The following EDIL3 variants were observed in gnomAD, a reference collection of about 807,000 sequenced individuals.
EDIL3 encodes EGF like and discoidin domains 3.
Under a neutral mutation model 67.4 loss-of-function variants are expected in EDIL3, and 37 were observed. The observed-to-expected ratio is 0.55, with a 90% CI of 0.42 to 0.72. EDIL3 has a LOEUF of 0.72. EDIL3 is among the 30% of genes least tolerant of loss of function. EDIL3 has a pLI of 0.00. For synonymous variants in EDIL3, 195 were observed against 196.3 expected, an observed-to-expected ratio of 0.99 and a Z score of 0.05; for missense variants, 527 against 586.3, an observed-to-expected ratio of 0.90 and a Z score of 1.04.
At chr5:84,291,696 A>C (rs1041607327) in intron 1 of EDIL3, among the ~76,000 whole-genome samples, 28 of 141,902 alleles carry the variant, frequency 2.0e-4, no homozygotes, top group African/African-American at 7.1e-4. Flanking sequence ...ATATCTATAT[A>C]TCTATCTATG....
At chr5:84,370,296 T>C (rs1747817677) in intron 1 of EDIL3, among the ~76,000 whole-genome samples, 1 of 152,192 alleles carries the variant, frequency 6.6e-6, no homozygotes, top group Non-Finnish European at 1.5e-5. Flanking sequence ...TAAACAGAGC[T>C]GTTTAGAAGG....
intron 9 of EDIL3, among the ~76,000 whole-genome samples, chr5:84,058,730 A>G (rs2112233548): frequency 6.6e-6 from 1 of 152,300 alleles, no homozygotes. Flanking sequence ...TAACAGGAAT[A>G]TTTTAAGCAA....
At chr5:84,311,598 T>C (rs1466002336) in intron 1 of EDIL3, among the ~76,000 whole-genome samples, 14 of 151,884 alleles carry the variant, frequency 9.2e-5, no homozygotes, top group Non-Finnish European at 2.1e-4. Flanking sequence ...TCTTGGGTGT[T>C]TCTCACAGAG....
chr5:84,320,821 A>G lies in EDIL3; in HGVS notation c.67+63487T>C, dbSNP rs569867571. On this transcript the variant is annotated intron_variant, in intron 1 of 10. Coordinates refer to ENST00000296591, the MANE Select transcript of EDIL3 (RefSeq NM_005711.5). ...AGCTTTCTTCCACCCAGGGATGCTA[A>G]AAGGAAGAAAAGTTAAGGCAGTTTA... is the stretch of plus-strand genomic sequence containing the variant. Among the ~76,000 whole-genome samples, 9 of 152,300 alleles carry G rather than the reference A, an allele frequency of 5.9e-5. No individual in the cohort carries two copies. The South Asian group carries it at 1.9e-3, about 32-fold the overall frequency.
At chr5:84,347,029 A>C (rs2112184198) in intron 1 of EDIL3, among the ~76,000 whole-genome samples, 1 of 152,334 alleles carries the variant, frequency 6.6e-6, no homozygotes, top group South Asian at 2.1e-4. Flanking sequence ...TACTAAAAAA[A>C]AATTGAGAAA....
At chr5:83,984,044 A>C (rs4703573) in intron 9 of EDIL3, among the ~76,000 whole-genome samples, 129,383 of 151,780 alleles carry the variant, frequency 0.85, 55,326 homozygotes, top group South Asian at 0.94. Flanking sequence ...AGAGGCCAGG[A>C]CAGAGGAACA....
At chr5:84,067,162 G>A (rs1746657506) in intron 6 of EDIL3, among the ~76,000 whole-genome samples, 1 of 151,964 alleles carries the variant, frequency 6.6e-6, no homozygotes, top group Non-Finnish European at 1.5e-5. Context: ...TGTAGTCTGT[G>A]GAGCATTTTT....
At chr5:83,990,921 AT>A (rs1169779879) in intron 9 of EDIL3, among the ~76,000 whole-genome samples, 5 of 151,048 alleles carry the variant, frequency 3.3e-5, no homozygotes, top group African/African-American at 9.7e-5. Context: ...AAATAAATAA[AT>A]AAATAAAATA....
chr5:84,245,696 T>A (rs1744895205), intron 2 of EDIL3, among the ~76,000 whole-genome samples: 1 of 152,040 alleles, frequency 6.6e-6, no homozygotes, highest in Non-Finnish European at 1.5e-5. Flanking sequence ...TGCTTTTCCA[T>A]GAAAGGGAAA....
chr5:84,124,798 G>T (rs535490758), intron 5 of EDIL3, among the ~76,000 whole-genome samples: 1 of 151,894 alleles, frequency 6.6e-6, no homozygotes. Context: ...ACTCACCAAA[G>T]CTCCTATGAC....
intron 6 of EDIL3, among the ~76,000 whole-genome samples, chr5:84,087,349 G>C (rs1342183954): frequency 6.6e-6 from 1 of 152,100 alleles, no homozygotes; most frequent in Non-Finnish European, 1.5e-5. Flanking sequence ...CTTTGTTCAA[G>C]GTGACAGTCA....
chr5:84,247,418 T>C (rs1485274426), intron 2 of EDIL3, among the ~76,000 whole-genome samples: 2 of 151,196 alleles, frequency 1.3e-5, no homozygotes, highest in Non-Finnish European at 1.5e-5. Context: ...GACTCTATTA[T>C]ACTACTTGAT....
At chr5:84,069,628 G>GA (rs1016546285) in intron 6 of EDIL3, among the ~76,000 whole-genome samples, 1 of 152,046 alleles carries the variant, frequency 6.6e-6, no homozygotes, top group Non-Finnish European at 1.5e-5. Context: ...CTCAATGCCA[G>GA]AAAATTTGGA....
chr5:84,365,898 C>T (rs925491323), intron 1 of EDIL3, among the ~76,000 whole-genome samples: 1 of 152,062 alleles, frequency 6.6e-6, no homozygotes, highest in African/African-American at 2.4e-5. Context: ...TCTACAACAG[C>T]TCTATTAGAT....
rs377752728 is a variant in EDIL3, at chr5:84,098,250, A to C, written c.651+8399T>G. ...TTCGTTTCATCAAGACAATGAAGAA[A>C]ATGAAATTGAATACTAATTAGTGCA... On this transcript the variant is annotated intron_variant, in intron 6 of 10. Transcript: ENST00000296591. 3.0e-4 allele frequency among the ~76,000 whole-genome samples: 45 copies of C among 152,258 alleles called. No homozygotes were observed. In the South Asian group the frequency reaches 8.9e-3, roughly 30 times the overall value.
At chr5:84,191,859 C>A (rs985184748) in intron 3 of EDIL3, among the ~76,000 whole-genome samples, 1 of 151,958 alleles carries the variant, frequency 6.6e-6, no homozygotes, top group Non-Finnish European at 1.5e-5. Context: ...AGTAAATACA[C>A]TGAAGTTTCT....
chr5:83,952,208 C>T (rs561137756), intron 10 of EDIL3, among the ~76,000 whole-genome samples: 2 of 151,850 alleles, frequency 1.3e-5, no homozygotes, highest in Admixed American at 6.6e-5. Context: ...CAAAAGAGTC[C>T]ATCCTCCTTG....
chr5:84,003,736 C>T (rs1346261004), intron 9 of EDIL3, among the ~76,000 whole-genome samples: 1 of 152,062 alleles, frequency 6.6e-6, no homozygotes, highest in Admixed American at 6.5e-5. Context: ...GGTACATAGA[C>T]CATTGACACT....
intron 1 of EDIL3, among the ~76,000 whole-genome samples, chr5:84,327,460 G>C (rs1348350739): frequency 6.6e-6 from 1 of 151,796 alleles, no homozygotes; most frequent in East Asian, 1.9e-4. Context: ...TGTTCAAAGA[G>C]ATTAATGTAA....
Sources: allele counts gnomAD v4.1 joint callset (sites outside exome capture counted in the v4.1 genomes callset), GRCh38; gene constraint gnomAD v4.1.1; transcripts MANE v1.5; gene names NCBI Gene and HGNC (gene_info 2026-07-23, HGNC 2026-07-21).